The following SAMD12 variants were observed in gnomAD, a reference collection of about 807,000 sequenced individuals.
SAMD12 encodes sterile alpha motif domain-containing protein 12.
SAMD12 carries 9 observed loss-of-function variants against 15.0 expected under a neutral mutation model. The observed-to-expected ratio is 0.60, with a 90% CI of 0.36 to 1.05. The LOEUF (loss-of-function observed/expected upper bound fraction) is 1.05, where lower values mean the gene tolerates loss of function less well. Among genes scored for constraint, SAMD12 ranks in the 50% least tolerant of loss-of-function variants. The pLI, the probability that SAMD12 is intolerant of heterozygous loss-of-function variation, is 0.01. For synonymous variants in SAMD12, 86 were observed against 90.1 expected, an observed-to-expected ratio of 0.96 and a Z score of 0.25; for missense variants, 230 against 234.2, an observed-to-expected ratio of 0.98 and a Z score of 0.12.
At position 118,435,090 on chromosome 8, in the gene SAMD12, G is replaced by A. The variant is rs1178300248; in HGVS notation, c.322+4742C>T. Among the ~76,000 whole-genome samples, 2 of 22,490 alleles carry A rather than the reference G, an allele frequency of 8.9e-5. 1 individual carries two copies. Among genetic ancestry groups the A allele is most frequent in the South Asian group, 3.0e-3 (2 of 666 alleles). The allele number at this position is 22,490 out of a possible 152,430, so 14.8% of individuals were successfully genotyped here. ...TGCACTCCAGCCTGGGCGACAGAGTGAGACTCCATCTCAAAAAAAAAAAAA... is the reference window on the plus strand; with the variant it reads ...TGCACTCCAGCCTGGGCGACAGAGTAAGACTCCATCTCAAAAAAAAAAAAA... On this transcript the variant is annotated intron_variant, in intron 3 of 3. Transcript: ENST00000314727.
intron 4 of SAMD12, among the ~76,000 whole-genome samples, chr8:118,248,430 T>C (rs1423985321): frequency 6.6e-6 from 1 of 152,056 alleles, no homozygotes; most frequent in Non-Finnish European, 1.5e-5. Context: ...GTCAAGCTGG[T>C]GGTCAACACT....
At chr8:118,144,093 G>T in the SAMD12 span, among the ~76,000 whole-genome samples, 1 of 152,028 alleles carries the variant, frequency 6.6e-6, no homozygotes, top group African/African-American at 2.4e-5. Flanking sequence ...TCCAGTTTCT[G>T]CCTCCGTGGT....
chr8:118,310,973 G>A (rs1483499375), intron 4 of SAMD12, among the ~76,000 whole-genome samples: 1 of 152,136 alleles, frequency 6.6e-6, no homozygotes, highest in Non-Finnish European at 1.5e-5. Flanking sequence ...TTTAATGCAT[G>A]TTTATAGGAA....
chr8:118,244,242 A>G (rs1287427967), intron 4 of SAMD12, among the ~76,000 whole-genome samples: 1 of 152,156 alleles, frequency 6.6e-6, no homozygotes, highest in Non-Finnish European at 1.5e-5. Context: ...CTTGTTATCA[A>G]TATTAGCAGG....
intron 4 of SAMD12, chr8:118,282,070 C>T (rs1158490838): frequency 1.2e-5 from 4 of 343,778 alleles, no homozygotes; most frequent in Admixed American, 4.1e-5. Context: ...AGCTGAATGA[C>T]ACTGGATGGT....
chr8:118,547,176 A>C (rs567577980), intron 2 of SAMD12, among the ~76,000 whole-genome samples: 106 of 152,176 alleles, frequency 7.0e-4, no homozygotes, highest in African/African-American at 2.6e-3. Context: ...CCAGGGAAAA[A>C]GTTTTACAAC....
chr8:118,448,636 CT>C (rs2130909640), intron 2 of SAMD12, among the ~76,000 whole-genome samples: 1 of 152,294 alleles, frequency 6.6e-6, no homozygotes, highest in Non-Finnish European at 1.5e-5. Flanking sequence ...TAGATTTCTC[CT>C]ATATTGAGCC....
intron 3 of SAMD12, among the ~76,000 whole-genome samples, chr8:118,388,901 A>G (rs1820113114): frequency 6.6e-6 from 1 of 152,188 alleles, no homozygotes; most frequent in Non-Finnish European, 1.5e-5. Flanking sequence ...AAGTCAGAGA[A>G]AAAAAGAGAG....
chr8:118,514,068 G>C (rs1217471357), intron 2 of SAMD12, among the ~76,000 whole-genome samples: 1 of 152,132 alleles, frequency 6.6e-6, no homozygotes, highest in Non-Finnish European at 1.5e-5. Flanking sequence ...GCATTGGGGA[G>C]GTCAGGCAAA....
At chr8:118,495,536 T>G (rs1345387423) in intron 2 of SAMD12, among the ~76,000 whole-genome samples, 1 of 147,366 alleles carries the variant, frequency 6.8e-6, no homozygotes, top group South Asian at 2.2e-4. Flanking sequence ...TAATTAATCT[T>G]CACTTAATTC....
At chr8:118,451,819 C>A (rs1252544488) in intron 2 of SAMD12, among the ~76,000 whole-genome samples, 5 of 152,042 alleles carry the variant, frequency 3.3e-5, no homozygotes, top group African/African-American at 1.2e-4. Context: ...AAGTTAGCCA[C>A]CCCCAACCCC....
At chr8:118,196,927 CCTT>C in exon 5 of SAMD12, 1 of 152,234 alleles carries the variant, frequency 6.6e-6, no homozygotes, top group Non-Finnish European at 1.5e-5. Flanking sequence ...CACTGGACCC[CCTT>C]CTTCTTCCCT....
chr8:118,448,823 G>A (rs1469787657), intron 2 of SAMD12, among the ~76,000 whole-genome samples: 5 of 152,178 alleles, frequency 3.3e-5, no homozygotes, highest in Non-Finnish European at 7.3e-5. Context: ...TGTGGGCCTT[G>A]GGCTGGTCAC....
At chr8:118,598,835 A>G (rs553731332) in intron 1 of SAMD12, among the ~76,000 whole-genome samples, 2 of 152,300 alleles carry the variant, frequency 1.3e-5, no homozygotes, top group African/African-American at 4.8e-5. Context: ...AACGTATGCA[A>G]TCACTCTTAC....
intron 3 of SAMD12, among the ~76,000 whole-genome samples, chr8:118,408,166 C>T (rs1336773490): frequency 1.3e-5 from 2 of 152,158 alleles, no homozygotes; most frequent in African/African-American, 4.8e-5. Context: ...ACCAGACTCC[C>T]TTGATAAGTA....
chr8:118,205,108 G>C (rs899876740), intron 4 of SAMD12, among the ~76,000 whole-genome samples: 2 of 152,166 alleles, frequency 1.3e-5, no homozygotes, highest in Non-Finnish European at 1.5e-5. Context: ...AAGAGAATAG[G>C]CTGGGTAAGG....
At chr8:118,278,455 T>C (rs1292758108) in intron 4 of SAMD12, among the ~76,000 whole-genome samples, 1 of 152,200 alleles carries the variant, frequency 6.6e-6, no homozygotes, top group East Asian at 1.9e-4. Flanking sequence ...AATGTGAATA[T>C]TTAAAGTGGA....
At chr8:118,564,497 T>C (rs1372415531) in intron 2 of SAMD12, among the ~76,000 whole-genome samples, 1 of 152,194 alleles carries the variant, frequency 6.6e-6, no homozygotes, top group Non-Finnish European at 1.5e-5. Flanking sequence ...CAAATGGCAA[T>C]TTAATTTTAG....
intron 3 of SAMD12, among the ~76,000 whole-genome samples, chr8:118,398,014 C>A (rs1451476773): frequency 6.6e-6 from 1 of 152,200 alleles, no homozygotes. Context: ...ATCTCAAACT[C>A]CTGGGCTCAG....
Sources: gnomAD v4.1 joint callset for allele counts (sites outside exome capture counted in the v4.1 genomes callset) on GRCh38, gnomAD v4.1.1 for gene constraint, MANE v1.5 for transcripts, NCBI Gene and HGNC (gene_info 2026-07-23, HGNC 2026-07-21) for gene names.